The following FARS2 variants were observed in gnomAD, a reference collection of about 807,000 sequenced individuals.
FARS2 encodes the protein phenylalanine--tRNA ligase, mitochondrial.
Under a neutral mutation model 46.4 loss-of-function variants are expected in FARS2, and 40 were observed. The ratio of observed to expected loss-of-function variants is 0.86; its 90% CI spans 0.67 to 1.12. The LOEUF is 1.12. FARS2 is among the 50% of genes most tolerant of loss of function. FARS2 has a pLI of 0.00. For synonymous variants in FARS2, 234 were observed against 214.9 expected (o/e 1.09, Z -0.78); for missense variants, 513 against 567.9 (o/e 0.90, Z 0.98).
At chr6:5,525,423 C>G (rs1183100880) in intron 4 of FARS2, among the ~76,000 whole-genome samples, 1 of 152,086 alleles carries the variant, frequency 6.6e-6, no homozygotes, top group Non-Finnish European at 1.5e-5. Flanking sequence ...ATGATTCATG[C>G]ATTTCCAGGT....
chr6:5,525,350 C>T (rs1769396514), intron 4 of FARS2, among the ~76,000 whole-genome samples: 1 of 152,094 alleles, frequency 6.6e-6, no homozygotes, highest in South Asian at 2.1e-4. Flanking sequence ...TGTAGCATTG[C>T]CGACTGTTGC....
At chr6:5,447,982 C>G (rs553698960) in intron 4 of FARS2, among the ~76,000 whole-genome samples, 2 of 152,310 alleles carry the variant, frequency 1.3e-5, no homozygotes, top group South Asian at 4.1e-4. Context: ...AATGCATAGG[C>G]CTTTGCCAGC....
At position 5,764,380 on chromosome 6, in the gene FARS2, G is replaced by A. The variant is rs940186123; in HGVS notation, c.1218-6911G>A. ...TTCCTCCTCCTCCTCCTGCCTTACT[G>A]TGCCTCTTGCCCGAGTCCAGCCCTA... On this transcript the variant is annotated intron_variant, in intron 6 of 6. Transcript: ENST00000274680. The surrounding 1 kb of genome is among the most constrained non-coding windows in gnomAD (Gnocchi z 4.1). Among the ~76,000 whole-genome samples, 1 of 152,034 alleles carries A rather than the reference G, an allele frequency of 6.6e-6. No homozygotes were observed. The highest frequency in any genetic ancestry group is 1.5e-5 in the Non-Finnish European group (1 of 68,004).
intron 3 of FARS2, among the ~76,000 whole-genome samples, chr6:5,415,669 C>T (rs561553848): frequency 1.3e-5 from 2 of 151,984 alleles, no homozygotes; most frequent in African/African-American, 2.4e-5. Context: ...TACTTATTTG[C>T]ATTCATATAA....
At chr6:5,251,810 C>G in the FARS2 span, among the ~76,000 whole-genome samples, 2 of 152,142 alleles carry the variant, frequency 1.3e-5, no homozygotes, top group Non-Finnish European at 2.9e-5. Flanking sequence ...TTAAAAGATC[C>G]GCAACAAGGA....
At chr6:5,584,525 CTCTT>C (rs1015927621) in intron 5 of FARS2, among the ~76,000 whole-genome samples, 7 of 152,072 alleles carry the variant, frequency 4.6e-5, no homozygotes, top group South Asian at 2.1e-4. Context: ...CCCAGCCTTC[CTCTT>C]TCTTTTTCTC....
intron 1 of FARS2, among the ~76,000 whole-genome samples, chr6:5,282,188 G>C (rs1481649966): frequency 6.6e-6 from 1 of 152,202 alleles, no homozygotes; most frequent in East Asian, 1.9e-4. Context: ...TTCAAGGAAA[G>C]TGTTACCTTG....
At chr6:5,394,915 T>A (rs963470144) in intron 2 of FARS2, among the ~76,000 whole-genome samples, 2 of 152,220 alleles carry the variant, frequency 1.3e-5, no homozygotes, top group African/African-American at 4.8e-5. Context: ...TAAAAAAGGA[T>A]GATCTGCGTC....
intron 6 of FARS2, among the ~76,000 whole-genome samples, chr6:5,755,394 G>A (rs1370412387): frequency 6.6e-6 from 1 of 151,590 alleles, no homozygotes; most frequent in African/African-American, 2.4e-5. Context: ...CTGGGTCCAT[G>A]TGTTCTCATT....
At chr6:5,610,310 T>A (rs565214032) in intron 5 of FARS2, 3,346 of 333,258 alleles carry the variant, frequency 0.01, 61 homozygotes, top group African/African-American at 0.054. Flanking sequence ...TCAATTCTTT[T>A]TAAAAAAAAA....
intron 6 of FARS2, among the ~76,000 whole-genome samples, chr6:5,745,181 A>T (rs899635203): frequency 6.6e-6 from 1 of 152,262 alleles, no homozygotes; most frequent in African/African-American, 2.4e-5. Flanking sequence ...TCTATCTCTC[A>T]TGATGCCCAA....
chr6:5,707,060 T>A (rs1758806675), intron 6 of FARS2, among the ~76,000 whole-genome samples: 1 of 152,244 alleles, frequency 6.6e-6, no homozygotes, highest in Non-Finnish European at 1.5e-5. Context: ...TTGCTCTCAC[T>A]CACTTCTATT....
intron 1 of FARS2, among the ~76,000 whole-genome samples, chr6:5,331,694 A>C (rs773650692): frequency 6.6e-6 from 1 of 152,206 alleles, no homozygotes; most frequent in Non-Finnish European, 1.5e-5. Flanking sequence ...AGCGAGGTCA[A>C]CACTGACAGA....
rs908614582 is a variant in FARS2 at position 5,285,843 on chromosome 6, A to G, written c.-22+24183A>G. On this transcript the variant is annotated intron_variant, in intron 1 of 6. Transcript: ENST00000274680. ...CTCGCGGCATTCCCTGGAATTCCTC[A>G]GTCTTGGGTGCTGCTTCTTTGCACG... 3.3e-5 allele frequency among the ~76,000 whole-genome samples: 5 copies of G among 152,332 alleles called. No homozygotes were observed. In the East Asian group the frequency reaches 5.8e-4, roughly 18 times the overall value.
intron 2 of FARS2, among the ~76,000 whole-genome samples, chr6:5,400,670 A>T (rs1038315932): frequency 1.3e-5 from 2 of 151,768 alleles, no homozygotes; most frequent in Admixed American, 1.3e-4. Flanking sequence ...ATATTTATGT[A>T]TACACACATG....
chr6:5,585,499 C>G (rs1465768199), intron 5 of FARS2, among the ~76,000 whole-genome samples: 4 of 152,046 alleles, frequency 2.6e-5, no homozygotes, highest in African/African-American at 9.7e-5. Flanking sequence ...CCCTGGCAAC[C>G]ACCTTTCTAC....
At position 5,350,169 on chromosome 6, in the gene FARS2, A is replaced by AT. The variant is rs57211565; in HGVS notation, c.-21-18362dup. Among the ~76,000 whole-genome samples, 776 of 131,682 alleles carry AT rather than the reference A, an allele frequency of 5.9e-3. 4 individuals carry two copies. Among genetic ancestry groups the AT allele is most frequent in the South Asian group, 0.014 (57 of 4,014 alleles). 86.4% of individuals were successfully genotyped at this position (131,682 alleles called of 152,430 possible). ...TGGTGTGCACCACCATGCCTGGCAA[A>AT]TTTTTTTTTTTTTTTTTTTGTAGAG... On this transcript the variant is annotated intron_variant, in intron 1 of 6. Transcript: ENST00000274680.
chr6:5,717,935 T>TAGAGAGAGAGAGAGAGAGAGAGAGAG lies in FARS2; in HGVS notation c.1218-53355_1218-53354insGAGAGAGAGAGAGAGAGAGAGAGAGA, dbSNP rs546191530. 1.9e-3 allele frequency among the ~76,000 whole-genome samples: 254 copies of TAGAGAGAGAGAGAGAGAGAGAGAGAG among 135,626 alleles called. 10 individuals carry two copies. Among genetic ancestry groups the TAGAGAGAGAGAGAGAGAGAGAGAGAG allele is most frequent in the African/African-American group, 6.7e-3 (218 of 32,574 alleles). 89.0% of individuals were successfully genotyped at this position (135,626 alleles called of 152,430 possible). A position where few individuals can be genotyped will look rare whatever the true frequency, so the allele number is the denominator to read the frequency against. On this transcript the variant is annotated intron_variant, in intron 6 of 6. Coordinates refer to ENST00000274680, the MANE Select transcript of FARS2 (RefSeq NM_006567.5). ...ATATATATATATATATATATATATATACAGAGTCTCACTCTGTCGCCCAGG... is the reference window on the plus strand; with the variant it reads ...ATATATATATATATATATATATATATAGAGAGAGAGAGAGAGAGAGAGAGAGACAGAGTCTCACTCTGTCGCCCAGG...
At chr6:5,257,927 T>C (rs761974259), upstream of FARS2, among the ~76,000 whole-genome samples, 20 of 152,272 alleles carry the variant, frequency 1.3e-4, no homozygotes, top group Non-Finnish European at 7.4e-5. Context: ...CAATGAGACC[T>C]GTTTGGCTGG....
Sources: gnomAD v4.1 joint callset for allele counts (sites outside exome capture counted in the v4.1 genomes callset) on GRCh38, gnomAD v4.1.1 for gene constraint, Gnocchi (gnomAD v3.1) non-coding constraint, MANE v1.5 for transcripts, NCBI Gene and HGNC (gene_info 2026-07-23, HGNC 2026-07-21) for gene names.